PRKCQ: variants seen among roughly 807,000 people sequenced by gnomAD.
The protein encoded by PRKCQ is protein kinase C theta.
In PRKCQ, 41 loss-of-function variants were observed where a neutral mutation model predicts 91.2. That is an observed-to-expected ratio of 0.45 (90% CI 0.35 to 0.58). The LOEUF (loss-of-function observed/expected upper bound fraction) is 0.58, where lower values mean the gene tolerates loss of function less well. Among genes scored for constraint, PRKCQ ranks in the 20% least tolerant of loss-of-function variants. PRKCQ has a pLI of 0.00. For missense variants in PRKCQ, 673 were observed against 896.5 expected, an observed-to-expected ratio of 0.75 and a Z score of 3.18; for synonymous variants, 307 against 316.9, an observed-to-expected ratio of 0.97 and a Z score of 0.33.
At chr10:6,520,763 C>T (rs897916154) in intron 1 of PRKCQ, among the ~76,000 whole-genome samples, 9 of 152,172 alleles carry the variant, frequency 5.9e-5, no homozygotes, top group African/African-American at 2.2e-4. Flanking sequence ...TGCGTCACAC[C>T]TGCCATTTCT....
At position 6,580,193 on chromosome 10, in the gene PRKCQ, C is replaced by T. The variant is rs1207758348; in HGVS notation, c.-10+18G>A. The T allele has an allele frequency of 1.3e-5, 2 of 152,940 alleles. No individual in the cohort carries two copies. Among genetic ancestry groups the T allele is most frequent in the African/African-American group, 4.8e-5 (2 of 41,438 alleles). 9.5% of individuals were successfully genotyped at this position (152,940 alleles called of 1,614,324 possible). A position where few individuals can be genotyped will look rare whatever the true frequency, so the allele number is the denominator to read the frequency against. ...AGCCCGCTCCCTCCCGGCGGCGGCG[C>T]GGGGCGCGGGGCCCTACCTGGAGCG... On this transcript the variant is annotated intron_variant, in intron 1 of 17. Transcript: ENST00000263125.
intron 16 of PRKCQ, among the ~76,000 whole-genome samples, 187 bp downstream of exon 16, chr10:6,441,706 C>T (rs1833981247): frequency 6.6e-6 from 1 of 152,162 alleles, no homozygotes; most frequent in Admixed American, 6.6e-5. Context: ...CTCTTACACT[C>T]ATTTTGACAT....
At chr10:6,444,285 G>A (rs1159113491) in intron 15 of PRKCQ, among the ~76,000 whole-genome samples, 1 of 152,098 alleles carries the variant, frequency 6.6e-6, no homozygotes, top group Non-Finnish European at 1.5e-5. Flanking sequence ...GATCAGGCTG[G>A]TCTTGATCTC....
At chr10:6,414,729 G>C in the PRKCQ span, among the ~76,000 whole-genome samples, 1 of 150,280 alleles carries the variant, frequency 6.7e-6, no homozygotes, top group Non-Finnish European at 1.5e-5. Context: ...TGCATGTAAA[G>C]ATTTGTACAT....
intron 15 of PRKCQ, among the ~76,000 whole-genome samples, chr10:6,444,944 C>T (rs1052726373): frequency 8.6e-5 from 13 of 151,528 alleles, no homozygotes; most frequent in Non-Finnish European, 1.3e-4. Context: ...GCCAACATGG[C>T]GAAACCCCGT....
the PRKCQ span, among the ~76,000 whole-genome samples, chr10:6,399,486 T>C: frequency 6.6e-6 from 1 of 152,146 alleles, no homozygotes; most frequent in Non-Finnish European, 1.5e-5. Flanking sequence ...GCCCCCTTTT[T>C]TTTTTCCTTC....
Position 6,432,898 on chromosome 10 carries a change from C to A in PRKCQ, c.1837-1960G>T, listed in dbSNP as rs967722519. ...ATGAGATACCCTCCCCTAGTCGACT[C>A]CTGCTTCCCTCCCCTCATCTTTAAA... On this transcript the variant is annotated intron_variant, in intron 16 of 17. Coordinates refer to ENST00000263125, the MANE Select transcript of PRKCQ (RefSeq NM_006257.5). Among the ~76,000 whole-genome samples the A allele has an allele frequency of 2.0e-5, 3 of 152,286 alleles. No homozygotes were observed. The East Asian group carries it at 5.8e-4, about 29-fold the overall frequency.
Position 6,461,100 on chromosome 10 carries a change from TATCCATCCATCC to T in PRKCQ, c.1508+1191_1508+1202del, listed in dbSNP as rs140150098. 3.4e-3 allele frequency among the ~76,000 whole-genome samples: 504 copies of T among 150,074 alleles called. 5 individuals are homozygous for T. Among genetic ancestry groups the T allele is most frequent in the Non-Finnish European group, 4.3e-3 (288 of 67,488 alleles). On this transcript the variant is annotated intron_variant, in intron 14 of 17. Coordinates refer to ENST00000263125, the MANE Select transcript of PRKCQ (RefSeq NM_006257.5). ...ATTCATCCATCATTTATCCATCATT[TATCCATCCATCC>T]ATCCATCCATCCATCCACATCCATC...
chr10:6,445,611 C>T (rs916470237), intron 15 of PRKCQ, among the ~76,000 whole-genome samples: 1 of 152,152 alleles, frequency 6.6e-6, no homozygotes, highest in African/African-American at 2.4e-5. Context: ...ATGCACTTGT[C>T]CCCGTTTCTG....
intron 3 of PRKCQ, among the ~76,000 whole-genome samples, chr10:6,510,730 A>G (rs569051085): frequency 6.6e-6 from 1 of 152,340 alleles, no homozygotes; most frequent in African/African-American, 2.4e-5. Flanking sequence ...AGCCTGCTTT[A>G]ACAGTTTTAA....
At chr10:6,551,929 T>A (rs1381592282) in intron 1 of PRKCQ, among the ~76,000 whole-genome samples, 2 of 152,246 alleles carry the variant, frequency 1.3e-5, no homozygotes, top group Admixed American at 1.3e-4. Flanking sequence ...TGGTTTACAC[T>A]CCTACCAACA....
At chr10:6,545,721 A>G (rs571010314) in intron 1 of PRKCQ, among the ~76,000 whole-genome samples, 140 of 152,186 alleles carry the variant, frequency 9.2e-4, no homozygotes, top group Non-Finnish European at 1.6e-3. Context: ...GTACACTTCA[A>G]ATTGGTTCAG....
chr10:6,542,821 G>A (rs1333468144), intron 1 of PRKCQ, among the ~76,000 whole-genome samples: 5 of 152,200 alleles, frequency 3.3e-5, no homozygotes. Context: ...CTACATCCTA[G>A]CTTTCTTAGG....
chr10:6,515,794 C>T (rs541206175), intron 1 of PRKCQ, among the ~76,000 whole-genome samples: 1 of 119,644 alleles, frequency 8.4e-6, no homozygotes, highest in African/African-American at 3.0e-5. Flanking sequence ...TAAGGATGAA[C>T]AAAATACTTC....
At chr10:6,508,123 A>G (rs1838290692) in intron 3 of PRKCQ, among the ~76,000 whole-genome samples, 2 of 152,242 alleles carry the variant, frequency 1.3e-5, no homozygotes, top group Admixed American at 1.3e-4. Context: ...TCAGTACTGT[A>G]TTATTATGTA....
At chr10:6,551,756 T>C (rs540152056) in intron 1 of PRKCQ, among the ~76,000 whole-genome samples, 1 of 152,366 alleles carries the variant, frequency 6.6e-6, no homozygotes, top group African/African-American at 2.4e-5. Context: ...GTCTTTGCTA[T>C]TGCAAATAGT....
chr10:6,545,230 G>C (rs536665833), intron 1 of PRKCQ, among the ~76,000 whole-genome samples: 1 of 152,222 alleles, frequency 6.6e-6, no homozygotes, highest in Non-Finnish European at 1.5e-5. Flanking sequence ...AGAAAGGGAA[G>C]AGAAGGAGGC....
rs201986187 is a variant in PRKCQ, at chr10:6,486,022, C to T, written c.900+13G>A. 98 of 1,609,440 alleles carry T rather than the reference C, an allele frequency of 6.1e-5. No individual in the cohort carries two copies. The Admixed American group carries it at 7.5e-4, about 12-fold the overall frequency. On this transcript the variant is annotated intron_variant, in intron 9 of 17. Transcript: ENST00000263125. ...GGCCATGGCGGGAACGTGTCCACGG[C>T]ACATGCTCCTACCTGTTGAGTGCTC...
At chr10:6,451,104 C>A (rs1314366621) in intron 15 of PRKCQ, among the ~76,000 whole-genome samples, 3 of 149,998 alleles carry the variant, frequency 2.0e-5, no homozygotes, top group African/African-American at 7.3e-5. Flanking sequence ...AATAGAGACA[C>A]AAAAAACCCT....
Sources: allele counts gnomAD v4.1 joint callset (sites outside exome capture counted in the v4.1 genomes callset), GRCh38; gene constraint gnomAD v4.1.1; transcripts MANE v1.5; gene names NCBI Gene and HGNC (gene_info 2026-07-23, HGNC 2026-07-21).